Variants in PRDM6 observed in about 807,000 individuals in gnomAD.
PRDM6 encodes the protein PR/SET domain 6, also known as putative histone-lysine N-methyltransferase PRDM6.
A neutral mutation model predicts 60.8 loss-of-function variants in PRDM6; 25 were observed. The ratio of observed to expected loss-of-function variants is 0.41; its 90% CI spans 0.30 to 0.57. PRDM6 has a LOEUF of 0.57. Among genes scored for constraint, PRDM6 ranks in the 20% least tolerant of loss-of-function variants. The pLI is 0.27. For synonymous variants in PRDM6, 407 were observed against 357.4 expected (o/e 1.14, Z -1.57); for missense variants, 839 against 821.3 (o/e 1.02, Z -0.26).
chr5:123,182,033 C>T (rs111910567), intron 7 of PRDM6, among the ~76,000 whole-genome samples: 24 of 152,320 alleles, frequency 1.6e-4, no homozygotes, highest in African/African-American at 4.8e-4. Context: ...TTGTTCACTG[C>T]ATAAGAGCAT....
chr5:123,167,546 C>T (rs946185070), intron 5 of PRDM6, among the ~76,000 whole-genome samples: 38 of 152,268 alleles, frequency 2.5e-4, no homozygotes, highest in African/African-American at 7.7e-4. Context: ...TGTGCCACCA[C>T]GCCCAGCTAA....
rs1255640141 is a variant in PRDM6, at chr5:123,090,067, C to T, written c.53C>T (p.Ala18Val). 2 of 1,548,328 alleles carry T rather than the reference C, an allele frequency of 1.3e-6. No individual in the cohort carries two copies. Among genetic ancestry groups the T allele is most frequent in the Admixed American group, 2.0e-5 (1 of 50,942 alleles). ...GGSAFLKVDP[A>V]YLQHWQQLFP... ...TCGGCCTTCCTCAAAGTGGACCCAGCCTACCTGCAGCACTGGCAGCAACTC... is the reference window on the plus strand; with the variant it reads ...TCGGCCTTCCTCAAAGTGGACCCAGTCTACCTGCAGCACTGGCAGCAACTC... Residue 18 changes from alanine (A) to valine (V), a missense_variant, in exon 2 of 8, where the codon GCC becomes GTC. By Grantham distance (64) the Ala-to-Val change is moderately conservative. This residue lies in a region of PRDM6 where 730 missense variants were observed against 648.8 expected (regional missense o/e 1.13). Coordinates refer to ENST00000407847, the MANE Select transcript of PRDM6 (RefSeq NM_001136239.4).
intron 2 of PRDM6, among the ~76,000 whole-genome samples, chr5:123,091,149 G>C (rs1763833100): frequency 6.6e-6 from 1 of 152,142 alleles, no homozygotes; most frequent in South Asian, 2.1e-4. Flanking sequence ...TCGCTGGCCA[G>C]GCCTCACTGG....
intron 2 of PRDM6, among the ~76,000 whole-genome samples, chr5:123,094,085 A>G (rs1187652999): frequency 6.6e-6 from 1 of 151,802 alleles, no homozygotes; most frequent in Non-Finnish European, 1.5e-5. Context: ...CTTGTTGGGA[A>G]CACCAGGCTT....
At chr5:123,166,452 T>TG (rs1765755315) in intron 5 of PRDM6, among the ~76,000 whole-genome samples, 2 of 152,214 alleles carry the variant, frequency 1.3e-5, no homozygotes, top group Non-Finnish European at 2.9e-5. Flanking sequence ...TGTTTTTGTT[T>TG]TTTATTTTAC....
intron 5 of PRDM6, among the ~76,000 whole-genome samples, chr5:123,161,486 G>C (rs911727222): frequency 4.6e-5 from 7 of 152,186 alleles, no homozygotes; most frequent in African/African-American, 1.7e-4. Context: ...GTTTCAGAGA[G>C]TGAACAGGGT....
intron 5 of PRDM6, among the ~76,000 whole-genome samples, chr5:123,166,796 G>C (rs1047361441): frequency 1.3e-5 from 2 of 152,210 alleles, no homozygotes; most frequent in Non-Finnish European, 2.9e-5. Flanking sequence ...TATTTTAACT[G>C]TCCAAATTTC....
At chr5:123,104,719 A>G (rs1764169405) in intron 3 of PRDM6, among the ~76,000 whole-genome samples, 1 of 152,204 alleles carries the variant, frequency 6.6e-6, no homozygotes, top group South Asian at 2.1e-4. Flanking sequence ...CAGCTGGTGT[A>G]TCTCTCTGGC....
intron 2 of PRDM6, among the ~76,000 whole-genome samples, chr5:123,098,726 C>T (rs932138377): frequency 6.6e-6 from 1 of 152,240 alleles, no homozygotes; most frequent in Non-Finnish European, 1.5e-5. Flanking sequence ...GGAGTTGGTG[C>T]CTTCTCTAAC....
At chr5:123,137,290 A>G (rs1764981147) in intron 3 of PRDM6, among the ~76,000 whole-genome samples, 1 of 152,224 alleles carries the variant, frequency 6.6e-6, no homozygotes, top group African/African-American at 2.4e-5. Flanking sequence ...GTGACTGCAA[A>G]TCACTATTGG....
At chr5:123,153,473 C>T (rs374325403) in intron 3 of PRDM6, among the ~76,000 whole-genome samples, 13 of 151,974 alleles carry the variant, frequency 8.6e-5, no homozygotes, top group African/African-American at 3.1e-4. Context: ...GGTATGTAGT[C>T]GTGGGGTTTA....
intron 2 of PRDM6, among the ~76,000 whole-genome samples, chr5:123,096,163 G>A (rs946987533): frequency 0.014 from 1 of 72 alleles, no homozygotes; most frequent in African/African-American, 0.056. Flanking sequence ...TTATGAACTT[G>A]TACAAAAACT....
At chr5:123,127,694 TTC>T in intron 3 of PRDM6, among the ~76,000 whole-genome samples, 1 of 151,168 alleles carries the variant, frequency 6.6e-6, no homozygotes, top group Non-Finnish European at 1.5e-5. Context: ...TTTCTTTTCT[TTC>T]TCTTTCTTTC....
chr5:123,128,308 G>A (rs1236475821), intron 3 of PRDM6, among the ~76,000 whole-genome samples: 1 of 152,132 alleles, frequency 6.6e-6, no homozygotes, highest in Non-Finnish European at 1.5e-5. Context: ...TGGGTCAAAT[G>A]GTATTTCTAG....
intron 7 of PRDM6, 98 bp from the exon 8 acceptor site, chr5:123,186,989 A>T (rs1766302159): frequency 5.6e-6 from 5 of 889,252 alleles, no homozygotes; most frequent in Non-Finnish European, 8.9e-6. Context: ...ATCTGAAGCC[A>T]CTTTGGAGTG....
intron 3 of PRDM6, among the ~76,000 whole-genome samples, chr5:123,110,927 G>A (rs1359893259): frequency 6.6e-6 from 1 of 152,014 alleles, no homozygotes; most frequent in African/African-American, 2.4e-5. Context: ...ACCAATCCAG[G>A]TTAGTCCCTG....
Position 123,090,247 on chromosome 5 carries a change from C to T in PRDM6, c.233C>T (p.Ser78Phe), listed in dbSNP as rs1031561952. The T allele has an allele frequency of 6.7e-7, 1 of 1,486,800 alleles. No homozygotes were observed. Among genetic ancestry groups the T allele is most frequent in the Non-Finnish European group, 8.9e-7 (1 of 1,118,636 alleles). 92.1% of individuals were successfully genotyped at this position (1,486,800 alleles called of 1,614,324 possible). ...SLRPRPASLS[S>F]ASSTPASSST... is the part of the protein sequence containing the mutation. Reference sequence around the variant, plus strand: ...CGCCCGCGGCCCGCCTCTCTCTCCTCCGCCTCGTCCACGCCGGCTTCCTCT... The same window carrying T: ...CGCCCGCGGCCCGCCTCTCTCTCCTTCGCCTCGTCCACGCCGGCTTCCTCT... Residue 78 changes from serine (S) to phenylalanine (F), a missense_variant, in exon 2 of 8, where the codon TCC becomes TTC. By Grantham distance (155) the Ser-to-Phe change is radical. This residue lies in a region of PRDM6 where 730 missense variants were observed against 648.8 expected (regional missense o/e 1.13). Coordinates refer to ENST00000407847, the MANE Select transcript of PRDM6 (RefSeq NM_001136239.4).
intron 2 of PRDM6, among the ~76,000 whole-genome samples, chr5:123,095,179 G>T (rs780750321): frequency 9.2e-5 from 14 of 152,230 alleles, no homozygotes; most frequent in Non-Finnish European, 1.8e-4. Context: ...ACCCCTGCCG[G>T]GTAGAGGAGG....
intron 4 of PRDM6, among the ~76,000 whole-genome samples, chr5:123,157,084 A>G (rs966988807): frequency 1.4e-5 from 2 of 148,032 alleles, no homozygotes; most frequent in African/African-American, 5.0e-5. Flanking sequence ...TTTTAAACGA[A>G]GCTTAAGTTT....
Sources: allele counts gnomAD v4.1 joint callset (sites outside exome capture counted in the v4.1 genomes callset), GRCh38; gene constraint gnomAD v4.1.1; regional missense constraint gnomAD v4.1.1; transcripts MANE v1.5; gene names NCBI Gene and HGNC (gene_info 2026-07-23, HGNC 2026-07-21).